Variants in LINGO2 observed in about 807,000 individuals in gnomAD.
LINGO2 encodes leucine rich repeat and Ig domain containing 2.
A neutral mutation model predicts 30.6 loss-of-function variants in LINGO2; 14 were observed. That is an observed-to-expected ratio of 0.46 (90% confidence interval 0.30 to 0.72). LINGO2 has a LOEUF of 0.72. Ranked by LOEUF, LINGO2 falls within the 30% of genes least tolerant of loss-of-function variation. The pLI is 0.07. For synonymous variants in LINGO2, 317 were observed against 288.5 expected, an observed-to-expected ratio of 1.10 and a Z score of -1.00; for missense variants, 729 against 751.7, an observed-to-expected ratio of 0.97 and a Z score of 0.35.
intron 4 of LINGO2, among the ~76,000 whole-genome samples, chr9:28,175,592 C>A (rs933659312): frequency 1.3e-5 from 2 of 152,052 alleles, no homozygotes; most frequent in African/African-American, 2.4e-5. Flanking sequence ...AGATTATATG[C>A]CAATATTGGG....
the LINGO2 span, among the ~76,000 whole-genome samples, chr9:29,194,928 T>C: frequency 2.6e-5 from 4 of 152,236 alleles, no homozygotes; most frequent in African/African-American, 7.2e-5. Context: ...TACACCTTTA[T>C]ATCATGAGTA....
the LINGO2 span, among the ~76,000 whole-genome samples, chr9:29,127,620 C>T: frequency 4.1e-4 from 63 of 152,106 alleles, no homozygotes; most frequent in Middle Eastern, 6.8e-3. Context: ...AGTCCTTTTC[C>T]TTTTTTCTTT....
intron 4 of LINGO2, among the ~76,000 whole-genome samples, chr9:28,061,294 C>A (rs1223121328): frequency 6.6e-6 from 1 of 150,676 alleles, no homozygotes; most frequent in Non-Finnish European, 1.5e-5. Flanking sequence ...CTATTGGGCA[C>A]AATGCATACT....
chr9:29,041,940 G>A, the LINGO2 span, among the ~76,000 whole-genome samples: 2 of 151,920 alleles, frequency 1.3e-5, no homozygotes, highest in Non-Finnish European at 2.9e-5. Flanking sequence ...AAGAACTTTA[G>A]ATACTCAGCA....
intron 3 of LINGO2, among the ~76,000 whole-genome samples, chr9:28,317,041 T>C (rs978459147): frequency 1.3e-5 from 2 of 152,198 alleles, no homozygotes; most frequent in Non-Finnish European, 2.9e-5. Context: ...AGGTTAACTC[T>C]CTTTTTCTTA....
chr9:28,193,838 G>A (rs983951019), intron 4 of LINGO2, among the ~76,000 whole-genome samples: 13 of 152,168 alleles, frequency 8.5e-5, no homozygotes, highest in African/African-American at 2.9e-4. Flanking sequence ...ACTAGGAGCT[G>A]CCCAGGCATC....
At chr9:28,066,612 A>T (rs528743360) in intron 4 of LINGO2, among the ~76,000 whole-genome samples, 8 of 152,190 alleles carry the variant, frequency 5.3e-5, no homozygotes, top group Non-Finnish European at 7.4e-5. Flanking sequence ...CCATTACTGA[A>T]CTGTCATTAA....
the LINGO2 span, among the ~76,000 whole-genome samples, chr9:28,873,877 A>G: frequency 6.6e-6 from 1 of 151,568 alleles, no homozygotes; most frequent in Non-Finnish European, 1.5e-5. Flanking sequence ...AAACTAAAAT[A>G]AAAAAATATA....
At chr9:28,638,545 T>C (rs1457155130) in intron 1 of LINGO2, among the ~76,000 whole-genome samples, 1 of 152,106 alleles carries the variant, frequency 6.6e-6, no homozygotes, top group African/African-American at 2.4e-5. Context: ...GGTTTAGTCT[T>C]GGGAGGGGGT....
the LINGO2 span, among the ~76,000 whole-genome samples, chr9:28,753,883 T>C: frequency 2.0e-5 from 3 of 152,012 alleles, no homozygotes; most frequent in African/African-American, 7.3e-5. Flanking sequence ...ACTTAATAAA[T>C]ATCCAGTAAA....
rs541949675 is a variant in LINGO2, at chr9:28,570,981, G to T, written c.-364-94956C>A. Among the ~76,000 whole-genome samples, 25 of 150,704 alleles carry T rather than the reference G, an allele frequency of 1.7e-4. No homozygotes were observed. In the South Asian group the frequency reaches 5.0e-3, roughly 30 times the overall value. ...TACTGATATTCAACTGAAAAAAAAA[G>T]AATAAGAAAAATAAATTTAAAATGA... On this transcript the variant is annotated intron_variant, in intron 1 of 5. Transcript: ENST00000379992.
At chr9:28,731,666 G>C in the LINGO2 span, among the ~76,000 whole-genome samples, 1 of 152,100 alleles carries the variant, frequency 6.6e-6, no homozygotes, top group Non-Finnish European at 1.5e-5. Flanking sequence ...TGTTGACTAT[G>C]ATGGCAGATA....
At chr9:29,067,498 T>C in the LINGO2 span, among the ~76,000 whole-genome samples, 1 of 151,776 alleles carries the variant, frequency 6.6e-6, no homozygotes, top group South Asian at 2.1e-4. Flanking sequence ...GCAGGACTTG[T>C]GGTCTCAACA....
chr9:29,093,373 ATTTGT>A, the LINGO2 span, among the ~76,000 whole-genome samples: 2 of 133,360 alleles, frequency 1.5e-5, no homozygotes, highest in Non-Finnish European at 3.2e-5. Flanking sequence ...TCCTATACTA[ATTTGT>A]TTTATCAGTA....
the LINGO2 span, among the ~76,000 whole-genome samples, chr9:28,781,090 C>T: frequency 1.3e-5 from 2 of 151,980 alleles, 1 homozygote; most frequent in South Asian, 4.1e-4. Context: ...TATTTCAGTC[C>T]TATCATTTTA....
intron 3 of LINGO2, among the ~76,000 whole-genome samples, chr9:28,345,577 A>T (rs565474753): frequency 5.3e-5 from 8 of 152,302 alleles, no homozygotes; most frequent in African/African-American, 1.9e-4. Flanking sequence ...CTCAAGTTTA[A>T]TCCCTCTAAA....
At chr9:28,171,864 CA>C (rs1364456493) in intron 4 of LINGO2, among the ~76,000 whole-genome samples, 2 of 149,184 alleles carry the variant, frequency 1.3e-5, no homozygotes, top group Non-Finnish European at 3.0e-5. Context: ...AACAAAAAAC[CA>C]AAAAAATTTA....
At chr9:28,983,130 C>G in the LINGO2 span, among the ~76,000 whole-genome samples, 2 of 151,798 alleles carry the variant, frequency 1.3e-5, no homozygotes, top group African/African-American at 2.4e-5. Context: ...ATCTGTGTGC[C>G]ATGTCTGGGC....
chr9:29,082,500 C>A, the LINGO2 span, among the ~76,000 whole-genome samples: 1 of 152,136 alleles, frequency 6.6e-6, no homozygotes, highest in Non-Finnish European at 1.5e-5. Context: ...CTAGGCAATA[C>A]CATTCAGGAC....
Sources: gnomAD v4.1 joint callset for allele counts (sites outside exome capture counted in the v4.1 genomes callset) on GRCh38, gnomAD v4.1.1 for gene constraint, MANE v1.5 for transcripts, NCBI Gene and HGNC (gene_info 2026-07-23, HGNC 2026-07-21) for gene names.